Variants in UBAC2 observed in about 807,000 individuals in gnomAD.
UBAC2 encodes UBA domain containing 2.
Under a neutral mutation model 44.0 loss-of-function variants are expected in UBAC2, and 26 were observed. That is an observed-to-expected ratio of 0.59 (90% confidence interval 0.43 to 0.82). UBAC2 has a LOEUF of 0.82. Among genes scored for constraint, UBAC2 ranks in the 40% least tolerant of loss-of-function variants. The pLI is 0.00. For synonymous variants in UBAC2, 155 were observed against 154.3 expected (o/e 1.00, Z -0.04); for missense variants, 329 against 419.4 (o/e 0.78, Z 1.88).
chr13:99,324,345 T>G (rs1442864161), intron 6 of UBAC2, among the ~76,000 whole-genome samples: 2 of 152,180 alleles, frequency 1.3e-5, no homozygotes, highest in Non-Finnish European at 2.9e-5. Context: ...TGACAAATGC[T>G]TCATCCAAGC....
At position 99,373,838 on chromosome 13, in the gene UBAC2, T is replaced by C. The variant is rs145308189; in HGVS notation, c.927+5932T>C. Among the ~76,000 whole-genome samples the C allele has an allele frequency of 8.2e-3, 1,247 of 152,246 alleles. 11 individuals carry two copies. The highest frequency in any genetic ancestry group is 0.057 in the South Asian group (274 of 4,832). ...TTATACTCTAGACACCAAGGAACCA[T>C]GCGGGATCTTACACAAGAAACACCA... On this transcript the variant is annotated intron_variant, in intron 8 of 8. Coordinates refer to ENST00000403766, the MANE Select transcript of UBAC2 (RefSeq NM_001144072.2).
At chr13:99,332,152 G>C in intron 6 of UBAC2, among the ~76,000 whole-genome samples, 1 of 152,118 alleles carries the variant, frequency 6.6e-6, no homozygotes, top group East Asian at 1.9e-4. Context: ...AGCTTGCCTT[G>C]TGGGTTTTTG....
At chr13:99,274,006 A>G (rs2043850927) in intron 4 of UBAC2, among the ~76,000 whole-genome samples, 2 of 152,060 alleles carry the variant, frequency 1.3e-5, no homozygotes, top group Admixed American at 1.3e-4. Context: ...TCTTGAGTCC[A>G]GAGCTCACAG....
At chr13:99,250,865 G>A (rs1019118838) in intron 4 of UBAC2, among the ~76,000 whole-genome samples, 3 of 152,058 alleles carry the variant, frequency 2.0e-5, no homozygotes, top group Non-Finnish European at 4.4e-5. Flanking sequence ...TCCTGCCTCA[G>A]CCTCCCGAGT....
At chr13:99,218,985 T>C (rs2043026670) in intron 1 of UBAC2, among the ~76,000 whole-genome samples, 1 of 152,208 alleles carries the variant, frequency 6.6e-6, no homozygotes, top group Admixed American at 6.5e-5. Context: ...TTAGTTTTGG[T>C]TTAGCTCCTT....
intron 4 of UBAC2, among the ~76,000 whole-genome samples, chr13:99,272,488 G>A (rs2043828583): frequency 1.3e-5 from 2 of 152,182 alleles, no homozygotes; most frequent in South Asian, 4.1e-4. Context: ...GAGTGTCTTA[G>A]TAAACTCGTG....
At chr13:99,257,038 A>G (rs2043574086) in intron 4 of UBAC2, among the ~76,000 whole-genome samples, 1 of 152,162 alleles carries the variant, frequency 6.6e-6, no homozygotes, top group African/African-American at 2.4e-5. Flanking sequence ...TAACTTGAGC[A>G]ATTGCTGTGG....
At chr13:99,242,450 CGGG>C (rs1298193028) in intron 2 of UBAC2, among the ~76,000 whole-genome samples, 1 of 134,960 alleles carries the variant, frequency 7.4e-6, no homozygotes, top group South Asian at 2.5e-4. Flanking sequence ...GCTGGCCGGG[CGGG>C]GGGCTGACCC....
chr13:99,288,860 T>C (rs1382441235), intron 4 of UBAC2, among the ~76,000 whole-genome samples: 2 of 152,210 alleles, frequency 1.3e-5, no homozygotes, highest in Non-Finnish European at 2.9e-5. Context: ...TGATGACCTA[T>C]AGTCAACATG....
At chr13:99,375,182 C>T (rs1377192907) in intron 8 of UBAC2, among the ~76,000 whole-genome samples, 6 of 152,168 alleles carry the variant, frequency 3.9e-5, no homozygotes, top group Non-Finnish European at 8.8e-5. Flanking sequence ...CCATACAAGA[C>T]CCTGACGAGG....
chr13:99,331,408 T>A (rs1010127579), intron 6 of UBAC2, among the ~76,000 whole-genome samples: 2 of 152,242 alleles, frequency 1.3e-5, no homozygotes, highest in Non-Finnish European at 2.9e-5. Flanking sequence ...CTAGAGCAGG[T>A]TTCTAAGACA....
intron 2 of UBAC2, among the ~76,000 whole-genome samples, chr13:99,241,415 A>T (rs2043298754): frequency 6.6e-6 from 1 of 152,248 alleles, no homozygotes; most frequent in African/African-American, 2.4e-5. Flanking sequence ...ATATTATTCA[A>T]CTATAAATGA....
intron 2 of UBAC2, among the ~76,000 whole-genome samples, chr13:99,239,086 A>G (rs775967157): frequency 1.3e-5 from 2 of 152,224 alleles, no homozygotes; most frequent in African/African-American, 2.4e-5. Context: ...GTTCTTGTCT[A>G]TGAATTGGAG....
rs900935476 is a variant in UBAC2 at position 99,201,171 on chromosome 13, C to G, written c.31+232C>G. The G allele has an allele frequency of 6.6e-6, 9 of 1,367,636 alleles. No individual in the cohort carries two copies. In the African/African-American group the frequency reaches 8.8e-5, roughly 13 times the overall value. The allele number at this position is 1,367,636 out of a possible 1,614,324, so 84.7% of individuals were successfully genotyped here. On this transcript the variant is annotated intron_variant, in intron 1 of 8. Coordinates refer to ENST00000403766, the MANE Select transcript of UBAC2 (RefSeq NM_001144072.2). ...AGCCCCGCCGCCCGCCCCGACCCCA[C>G]CTGGTATCCCCAGGTGCTCTGCCCA... is the stretch of plus-strand genomic sequence containing the variant.
At chr13:99,330,414 A>C (rs1193083006) in intron 6 of UBAC2, among the ~76,000 whole-genome samples, 1 of 129,654 alleles carries the variant, frequency 7.7e-6, no homozygotes, top group African/African-American at 2.8e-5. Context: ...AGCTGAGATC[A>C]TGCCACTGCA....
At chr13:99,254,789 C>G (rs532887631) in intron 4 of UBAC2, 1 of 932,034 alleles carries the variant, frequency 1.1e-6, no homozygotes, top group African/African-American at 1.7e-5. Context: ...AGAAAAGGGA[C>G]TTGATAGTAT....
At chr13:99,339,756 G>A (rs1436286868) in intron 6 of UBAC2, among the ~76,000 whole-genome samples, 3 of 152,084 alleles carry the variant, frequency 2.0e-5, no homozygotes, top group Non-Finnish European at 2.9e-5. Flanking sequence ...GACAAGGTTG[G>A]TTTATAAATG....
At chr13:99,325,331 C>T (rs1330720797) in intron 6 of UBAC2, among the ~76,000 whole-genome samples, 1 of 152,064 alleles carries the variant, frequency 6.6e-6, no homozygotes, top group Non-Finnish European at 1.5e-5. Context: ...TCTTGATCTC[C>T]TGACCTCGTG....
chr13:99,325,801 G>A (rs771280549), intron 6 of UBAC2, among the ~76,000 whole-genome samples: 5 of 152,030 alleles, frequency 3.3e-5, no homozygotes, highest in Non-Finnish European at 7.4e-5. Flanking sequence ...TTGTCTTTCC[G>A]TGACTGGCTT....
Sources: allele counts gnomAD v4.1 joint callset (sites outside exome capture counted in the v4.1 genomes callset), GRCh38; gene constraint gnomAD v4.1.1; transcripts MANE v1.5; gene names NCBI Gene and HGNC (gene_info 2026-07-23, HGNC 2026-07-21).